HSP90AA1: variants seen among roughly 807,000 people sequenced by gnomAD.
HSP90AA1 encodes heat shock protein HSP 90-alpha.
Under a neutral mutation model 73.3 loss-of-function variants are expected in HSP90AA1, and 18 were observed. That is an observed-to-expected ratio of 0.25 (90% CI 0.17 to 0.36). The LOEUF is 0.36. Ranked by LOEUF, HSP90AA1 falls within the 10% of genes least tolerant of loss-of-function variation. HSP90AA1 has a pLI of 1.00. For missense variants in HSP90AA1, 704 were observed against 874.2 expected, an observed-to-expected ratio of 0.81 and a Z score of 2.45; for synonymous variants, 477 against 296.9, an observed-to-expected ratio of 1.61 and a Z score of -6.24.
Position 102,110,775 on chromosome 14 carries a change from G to A in HSP90AA1, c.156-8690C>T, listed in dbSNP as rs11848592. 3.3e-3 allele frequency among the ~76,000 whole-genome samples: 497 copies of A among 152,212 alleles called. 5 individuals are homozygous for A. The highest frequency in any genetic ancestry group is 0.011 in the African/African-American group (474 of 41,520). On this transcript the variant is annotated intron_variant, in intron 1 of 11. Coordinates refer to the HSP90AA1 transcript ENST00000334701. ...TTTTCTATTTTTTAGTAGAGATGGG[G>A]TTTCACCGTGTTAGCCAGGATGGTC...
chr14:102,132,264 G>A (rs1233737285), intron 1 of HSP90AA1, among the ~76,000 whole-genome samples: 1 of 152,178 alleles, frequency 6.6e-6, no homozygotes, highest in Non-Finnish European at 1.5e-5. Context: ...CTACTCAGGA[G>A]GCTGAGGTAG....
intron 1 of HSP90AA1, among the ~76,000 whole-genome samples, chr14:102,117,701 A>C (rs553333874): frequency 3.4e-4 from 51 of 152,226 alleles, no homozygotes; most frequent in African/African-American, 1.2e-3. Context: ...AAAACTCAGG[A>C]CCCACCGAAT....
chr14:102,135,340 G>T (rs1185585761), intron 1 of HSP90AA1, among the ~76,000 whole-genome samples: 1 of 135,738 alleles, frequency 7.4e-6, no homozygotes, highest in Non-Finnish European at 1.6e-5. Context: ...TAGACATAAA[G>T]GTTCTCCAAG....
In HSP90AA1 at chr14:102,137,876, G is replaced by A. The variant is rs574665275; in HGVS notation, c.155+1374C>T. On this transcript the variant is annotated intron_variant, in intron 1 of 11. Transcript: ENST00000334701. The stretch of plus-strand genomic sequence containing the variant: ...CTAAAAATACAAAAATTAGCTGGGC[G>A]TGGTGGTGCACATCTGTAGTCCCAG... 6.6e-5 allele frequency among the ~76,000 whole-genome samples: 10 copies of A among 151,818 alleles called. No homozygotes were observed. The East Asian group carries it at 1.4e-3, about 21-fold the overall frequency.
intron 1 of HSP90AA1, among the ~76,000 whole-genome samples, chr14:102,115,108 C>T (rs1309929674): frequency 6.7e-6 from 1 of 149,838 alleles, no homozygotes; most frequent in African/African-American, 2.4e-5. Context: ...GATGGCGCCA[C>T]TGCACTCCAG....
chr14:102,138,910 A>G (rs550087161), intron 1 of HSP90AA1, among the ~76,000 whole-genome samples: 5 of 152,264 alleles, frequency 3.3e-5, no homozygotes, highest in Non-Finnish European at 5.9e-5. Context: ...AACTATCCCT[A>G]TGGATCTACT....
At chr14:102,085,043 C>G in intron 4 of HSP90AA1, 45 bp from the exon 5 acceptor site, 1 of 1,613,780 alleles carries the variant, frequency 6.2e-7, no homozygotes, top group Non-Finnish European at 8.5e-7. Flanking sequence ...CACTCCAGAA[C>G]TAAGCGACAG....
At chr14:102,107,420 G>A (rs760605554) in intron 1 of HSP90AA1, among the ~76,000 whole-genome samples, 7 of 151,926 alleles carry the variant, frequency 4.6e-5, no homozygotes, top group Admixed American at 6.6e-5. Flanking sequence ...TGCCTCCCGG[G>A]TTCAAGCAAT....
Position 102,085,440 on chromosome 14 carries a change from G to GA in HSP90AA1, c.530-10dup, listed in dbSNP as rs2049203678. The GA allele has an allele frequency of 1.3e-6, 2 of 1,550,082 alleles. No homozygotes were observed. Among genetic ancestry groups the GA allele is most frequent in the Admixed American group, 3.8e-5 (2 of 52,084 alleles). On this transcript the variant is annotated splice_polypyrimidine_tract_variant and intron_variant, in intron 3 of 10. Coordinates refer to ENST00000216281, the MANE Select transcript of HSP90AA1 (RefSeq NM_005348.4). ...ACGACCCATAGGTTCACCTGCAAGA[G>GA]AAGAAAGAAAAATTGACTTAATACA...
chr14:102,135,850 CCGCAAGAGCCGCA>C (rs2049986492), intron 1 of HSP90AA1, among the ~76,000 whole-genome samples: 1 of 152,258 alleles, frequency 6.6e-6, no homozygotes, highest in East Asian at 1.9e-4. Context: ...TCCAGCTGGC[CCGCAAGAGCCGCA>C]CGCAGCCCCG....
chr14:102,135,198 C>G (rs1337414946), intron 1 of HSP90AA1, among the ~76,000 whole-genome samples: 1 of 152,030 alleles, frequency 6.6e-6, no homozygotes, highest in African/African-American at 2.4e-5. Context: ...AAGGCCCCAC[C>G]AGAGCAGCTA....
Position 102,098,205 on chromosome 14 carries a change from A to G in HSP90AA1, c.366+3670T>C, listed in dbSNP as rs7160793. ...GAGACAGAGTCTCGCTCTGTCTCCC[A>G]AGCTGGAGTGCAGTGGCCTGATCTC... On this transcript the variant is annotated intron_variant, in intron 2 of 11. Transcript: ENST00000334701. Among the ~76,000 whole-genome samples the G allele has an allele frequency of 4.1e-3, 616 of 151,768 alleles. 6 individuals carry two copies. The highest frequency in any genetic ancestry group is 0.014 in the African/African-American group (592 of 41,352).
intron 2 of HSP90AA1, among the ~76,000 whole-genome samples, chr14:102,092,057 A>AT (rs528715751): frequency 1.0e-4 from 15 of 149,254 alleles, no homozygotes; most frequent in African/African-American, 1.7e-4. Flanking sequence ...GGTTTTTCAG[A>AT]TTTTTTTTGT....
intron 2 of HSP90AA1, among the ~76,000 whole-genome samples, chr14:102,098,816 G>A (rs755752079): frequency 1.3e-5 from 2 of 151,854 alleles, no homozygotes; most frequent in East Asian, 2.0e-4. Context: ...TCCTTGAGCC[G>A]CTGCACCTGG....
intron 1 of HSP90AA1, among the ~76,000 whole-genome samples, chr14:102,135,534 C>T (rs1045164810): frequency 6.6e-6 from 1 of 152,236 alleles, no homozygotes; most frequent in East Asian, 1.9e-4. Context: ...CTTGGGTGGT[C>T]GATGGGACTG....
upstream of HSP90AA1, among the ~76,000 whole-genome samples, chr14:102,089,700 C>A (rs1027959302): frequency 1.3e-5 from 2 of 152,108 alleles, no homozygotes; most frequent in African/African-American, 2.4e-5. Context: ...GAGCTTCCCC[C>A]CTGTCTCCAG....
At chr14:102,126,774 C>T (rs2049844781) in intron 1 of HSP90AA1, among the ~76,000 whole-genome samples, 1 of 152,154 alleles carries the variant, frequency 6.6e-6, no homozygotes, top group South Asian at 2.1e-4. Context: ...GTGATCTGCC[C>T]GCCTAGGCCT....
chr14:102,139,271 G>A, exon 1 of HSP90AA1: 1 of 1,614,116 alleles, frequency 6.2e-7, no homozygotes, highest in Non-Finnish European at 8.5e-7. Flanking sequence ...CGGCGGCGAG[G>A]AGGCTTCAGA....
At chr14:102,132,792 T>C (rs560183683) in intron 1 of HSP90AA1, among the ~76,000 whole-genome samples, 1 of 150,372 alleles carries the variant, frequency 6.7e-6, no homozygotes, top group African/African-American at 2.4e-5. Context: ...GCCCTGTCTC[T>C]ACTAAAAATA....
Sources: gnomAD v4.1 joint callset for allele counts (sites outside exome capture counted in the v4.1 genomes callset) on GRCh38, gnomAD v4.1.1 for gene constraint, MANE v1.5 for transcripts, NCBI Gene and HGNC (gene_info 2026-07-23, HGNC 2026-07-21) for gene names.